CDYL: variants seen among roughly 807,000 people sequenced by gnomAD.
The protein encoded by CDYL is chromodomain Y like.
Under a neutral mutation model 47.3 loss-of-function variants are expected in CDYL, and 8 were observed. That is an observed-to-expected ratio of 0.17 (90% CI 0.10 to 0.31). CDYL has a LOEUF of 0.31. CDYL is among the 10% of genes least tolerant of loss of function. CDYL has a pLI of 1.00. For synonymous variants in CDYL, 266 were observed against 265.0 expected, an observed-to-expected ratio of 1.00 and a Z score of -0.04; for missense variants, 471 against 701.4, an observed-to-expected ratio of 0.67 and a Z score of 3.71.
chr6:4,709,260 G>A (rs574986951), intron 1 of CDYL, among the ~76,000 whole-genome samples: 37 of 151,710 alleles, frequency 2.4e-4, no homozygotes, highest in Non-Finnish European at 4.3e-4. Context: ...CAGTGGCCCC[G>A]TCTTGGCTCA....
In CDYL at chr6:4,852,429, CTCCT is replaced by C. The variant is rs138345005; in HGVS notation, c.25-39268_25-39265del. Reference sequence around the variant, plus strand: ...CCTTCCTTCCAATCTTCCTTCCTTCCTCCTTCCTTCCTTCCTTCCAATCTTCCTT... The same window carrying C: ...CCTTCCTTCCAATCTTCCTTCCTTCCTCCTTCCTTCCTTCCAATCTTCCTT... On this transcript the variant is annotated intron_variant, in intron 1 of 6. Transcript: ENST00000397588. Among the ~76,000 whole-genome samples the C allele has an allele frequency of 1.8e-3, 214 of 118,314 alleles. 4 individuals are homozygous for C. The highest frequency in any genetic ancestry group is 6.1e-3 in the African/African-American group (169 of 27,924). 77.6% of individuals were successfully genotyped at this position (118,314 alleles called of 152,430 possible).
intron 1 of CDYL, among the ~76,000 whole-genome samples, chr6:4,806,192 A>C (rs1759365337): frequency 1.3e-5 from 2 of 152,204 alleles, no homozygotes; most frequent in Non-Finnish European, 2.9e-5. Flanking sequence ...GCCACCTGGA[A>C]AACCACATGC....
At chr6:4,793,495 A>G (rs1323940647) in intron 1 of CDYL, among the ~76,000 whole-genome samples, 1 of 152,184 alleles carries the variant, frequency 6.6e-6, no homozygotes, top group Non-Finnish European at 1.5e-5. Flanking sequence ...GGTTGGGGGT[A>G]CTTGTAGGAC....
chr6:4,917,559 C>A (rs1221558993), intron 2 of CDYL, among the ~76,000 whole-genome samples: 1 of 152,174 alleles, frequency 6.6e-6, no homozygotes, highest in African/African-American at 2.4e-5. Flanking sequence ...AAATGTTACT[C>A]AAGTTTAAAC....
intron 2 of CDYL, among the ~76,000 whole-genome samples, chr6:4,932,286 G>T (rs1269845433): frequency 6.6e-6 from 1 of 152,192 alleles, no homozygotes; most frequent in Admixed American, 6.5e-5. Context: ...CAGGTTCAGG[G>T]TCTGCTGAGG....
chr6:4,773,101 G>C (rs1758361980), upstream of CDYL: 2 of 457,274 alleles, frequency 4.4e-6, no homozygotes, highest in Non-Finnish European at 8.8e-6. This position sits in a 1 kb window ranked among gnomAD's most constrained non-coding sequence, Gnocchi z 4.6. Flanking sequence ...GGTAGAACTT[G>C]CCATCGATGA....
chr6:4,752,045 A>G (rs1052492548), intron 3 of CDYL, among the ~76,000 whole-genome samples: 1 of 152,194 alleles, frequency 6.6e-6, no homozygotes, highest in Admixed American at 6.5e-5. Context: ...GTTGCTGCAC[A>G]TGTGACCCAA....
intron 1 of CDYL, among the ~76,000 whole-genome samples, chr6:4,815,697 T>A (rs1759654757): frequency 7.1e-6 from 1 of 140,514 alleles, no homozygotes; most frequent in African/African-American, 2.7e-5. Flanking sequence ...TTTTTTTACC[T>A]TTTTTTTTTC....
intron 1 of CDYL, among the ~76,000 whole-genome samples, chr6:4,845,209 A>T (rs1452709443): frequency 6.6e-6 from 1 of 152,238 alleles, no homozygotes; most frequent in Non-Finnish European, 1.5e-5. Flanking sequence ...CTGACTTTTC[A>T]AAAGACAGTT....
chr6:4,849,489 T>C (rs936030104), intron 1 of CDYL, among the ~76,000 whole-genome samples: 6 of 152,214 alleles, frequency 3.9e-5, no homozygotes, highest in African/African-American at 1.4e-4. Context: ...TGGTGTGTTC[T>C]TTTTAAAGAT....
rs945582963 is a variant in CDYL at position 4,873,703 on chromosome 6, A to G, written c.25-18010A>G. Among the ~76,000 whole-genome samples the G allele has an allele frequency of 2.6e-5, 4 of 152,352 alleles. No individual in the cohort carries two copies. The East Asian group carries it at 5.8e-4, about 22-fold the overall frequency. On this transcript the variant is annotated intron_variant, in intron 1 of 6. Transcript: ENST00000397588. ...TTCTACCCACCTGCTTGAAGAATAA[A>G]TGGATGTGATAATATACAATTCTGT...
At chr6:4,920,157 G>A (rs949815906) in intron 2 of CDYL, among the ~76,000 whole-genome samples, 2 of 152,186 alleles carry the variant, frequency 1.3e-5, no homozygotes, top group African/African-American at 2.4e-5. Context: ...GTAAACGAGA[G>A]TGGTGCTTTA....
intron 3 of CDYL, among the ~76,000 whole-genome samples, chr6:4,746,828 C>G (rs747493083): frequency 3.9e-5 from 6 of 152,100 alleles, no homozygotes; most frequent in African/African-American, 7.2e-5. Flanking sequence ...GACTGTTGGC[C>G]TCCTGCCCTG....
At chr6:4,819,887 A>G (rs1759785456) in intron 1 of CDYL, among the ~76,000 whole-genome samples, 1 of 152,188 alleles carries the variant, frequency 6.6e-6, no homozygotes, top group Non-Finnish European at 1.5e-5. Flanking sequence ...ACCTGGCCCC[A>G]GATGCCAGTA....
At chr6:4,814,841 T>G (rs956446370) in intron 1 of CDYL, among the ~76,000 whole-genome samples, 5 of 152,132 alleles carry the variant, frequency 3.3e-5, no homozygotes, top group Non-Finnish European at 7.4e-5. Context: ...GGATTGAGAA[T>G]AGATCCTACA....
chr6:4,729,415 A>C (rs1246683927), intron 2 of CDYL, among the ~76,000 whole-genome samples: 3 of 152,068 alleles, frequency 2.0e-5, no homozygotes, highest in African/African-American at 7.3e-5. Flanking sequence ...CTAGACCTTG[A>C]TACCTTCTCA....
At chr6:4,909,855 G>T (rs761203965) in intron 2 of CDYL, among the ~76,000 whole-genome samples, 1 of 151,974 alleles carries the variant, frequency 6.6e-6, no homozygotes, top group Non-Finnish European at 1.5e-5. Context: ...TTACAGGCAT[G>T]AGCCACCGCA....
chr6:4,770,051 A>T (rs578229558), intron 3 of CDYL, among the ~76,000 whole-genome samples: 40 of 151,358 alleles, frequency 2.6e-4, no homozygotes, highest in African/African-American at 9.5e-4. Context: ...TAGCCAGGAT[A>T]TGGTCTCAAT....
chr6:4,908,714 T>C (rs955413107), intron 2 of CDYL, among the ~76,000 whole-genome samples: 1 of 152,212 alleles, frequency 6.6e-6, no homozygotes, highest in Admixed American at 6.5e-5. Context: ...AATGGAACTT[T>C]AAATTCTGAT....
Sources: gnomAD v4.1 joint callset for allele counts (sites outside exome capture counted in the v4.1 genomes callset) on GRCh38, gnomAD v4.1.1 for gene constraint, Gnocchi (gnomAD v3.1) non-coding constraint, MANE v1.5 for transcripts, NCBI Gene and HGNC (gene_info 2026-07-23, HGNC 2026-07-21) for gene names.